The following CPQ variants were observed in gnomAD, a reference collection of about 807,000 sequenced individuals.
The protein encoded by CPQ is Ser-Met dipeptidase.
CPQ carries 37 observed loss-of-function variants against 45.7 expected under a neutral mutation model. That is an observed-to-expected ratio of 0.81 (90% CI 0.62 to 1.07). The LOEUF (loss-of-function observed/expected upper bound fraction) is 1.07. CPQ is among the 50% of genes least tolerant of loss of function. The pLI, the probability that CPQ is intolerant of heterozygous loss-of-function variation, is 0.00. For missense variants in CPQ, 537 were observed against 572.9 expected (o/e 0.94, Z 0.64); for synonymous variants, 186 against 205.8 (o/e 0.90, Z 0.82).
chr8:96,954,170 A>G (rs1037464529), intron 4 of CPQ, among the ~76,000 whole-genome samples: 1 of 152,182 alleles, frequency 6.6e-6, no homozygotes, highest in Non-Finnish European at 1.5e-5. Flanking sequence ...TTATGCTAAT[A>G]AATACAAATT....
At chr8:96,752,043 G>T (rs565226888) in intron 1 of CPQ, among the ~76,000 whole-genome samples, 1 of 152,220 alleles carries the variant, frequency 6.6e-6, no homozygotes, top group Admixed American at 6.5e-5. Flanking sequence ...CTTTAGACTT[G>T]TAGTATAGTT....
chr8:96,849,504 C>T (rs1017465610), intron 3 of CPQ, among the ~76,000 whole-genome samples: 2 of 152,204 alleles, frequency 1.3e-5, no homozygotes, highest in Non-Finnish European at 2.9e-5. Context: ...CTGTGAATCA[C>T]CTAAGCACAT....
intron 7 of CPQ, among the ~76,000 whole-genome samples, chr8:97,107,173 A>G (rs1811418564): frequency 6.6e-6 from 1 of 152,232 alleles, no homozygotes; most frequent in Non-Finnish European, 1.5e-5. Context: ...CCTATATACA[A>G]TATTTGTAAA....
rs548541254 is a variant in CPQ at position 96,744,272 on chromosome 8, G to A, written c.-34-40592G>A. 4.2e-4 allele frequency among the ~76,000 whole-genome samples: 64 copies of A among 152,330 alleles called. 1 individual carries two copies. The highest frequency in any genetic ancestry group is 6.5e-4 in the Admixed American group (10 of 15,294). On this transcript the variant is annotated intron_variant, in intron 1 of 7. Transcript: ENST00000220763. ...CGTCTGTCACCACTTTCTTTGACTA[G>A]GAAAGGGAACTCCCTGACCCCTTGT... is the stretch of plus-strand genomic sequence containing the variant.
At chr8:96,849,035 T>C (rs899247601) in intron 3 of CPQ, among the ~76,000 whole-genome samples, 4 of 152,218 alleles carry the variant, frequency 2.6e-5, no homozygotes, top group Admixed American at 6.5e-5. Flanking sequence ...GGGAATGCCA[T>C]ACTTTGTCAG....
rs1809304198 is a variant in CPQ at position 96,691,454 on chromosome 8, A to G, written c.-35+46052A>G. ...GTACTAGGGGTTAGGACATGGATGTATATTTTGGGGGACCATTACTCAACC... is the reference window on the plus strand; with the variant it reads ...GTACTAGGGGTTAGGACATGGATGTGTATTTTGGGGGACCATTACTCAACC... On this transcript the variant is annotated intron_variant, in intron 1 of 7. Transcript: ENST00000220763. 2.0e-5 allele frequency among the ~76,000 whole-genome samples: 3 copies of G among 152,106 alleles called. No homozygotes were observed. In the South Asian group the frequency reaches 6.2e-4, roughly 32 times the overall value.
chr8:97,119,140 C>A (rs1243592304), intron 7 of CPQ, among the ~76,000 whole-genome samples: 2 of 151,844 alleles, frequency 1.3e-5, no homozygotes, highest in Non-Finnish European at 2.9e-5. Flanking sequence ...ACCAGCCTGG[C>A]CAACATGGTG....
intron 4 of CPQ, among the ~76,000 whole-genome samples, chr8:96,960,846 G>A (rs975670944): frequency 4.6e-5 from 7 of 151,692 alleles, no homozygotes; most frequent in Non-Finnish European, 1.0e-4. Context: ...GCCTATTTTT[G>A]TTTTGAGATT....
intron 3 of CPQ, among the ~76,000 whole-genome samples, chr8:96,837,457 T>A (rs1309549231): frequency 6.6e-6 from 1 of 152,180 alleles, no homozygotes; most frequent in African/African-American, 2.4e-5. Context: ...ATTTTCAGTG[T>A]TTCTTCTCTT....
intron 1 of CPQ, among the ~76,000 whole-genome samples, chr8:96,758,378 A>G (rs1810353631): frequency 6.6e-6 from 1 of 152,188 alleles, no homozygotes; most frequent in Non-Finnish European, 1.5e-5. Context: ...ACCAGAATGG[A>G]AGGAAGCACC....
intron 1 of CPQ, among the ~76,000 whole-genome samples, chr8:96,684,160 A>C (rs999134731): frequency 1.3e-5 from 2 of 152,138 alleles, no homozygotes; most frequent in Admixed American, 1.3e-4. Flanking sequence ...TGACATAACA[A>C]TTGCTTCTGA....
chr8:97,062,196 T>C (rs1165755043), intron 6 of CPQ, among the ~76,000 whole-genome samples: 1 of 152,196 alleles, frequency 6.6e-6, no homozygotes, highest in Non-Finnish European at 1.5e-5. Context: ...GCAACCATTT[T>C]TGCTTTGGTT....
chr8:97,026,606 C>T (rs150489000), intron 5 of CPQ, among the ~76,000 whole-genome samples: 1 of 152,302 alleles, frequency 6.6e-6, no homozygotes, highest in East Asian at 1.9e-4. Flanking sequence ...CCACTGGCTT[C>T]CTAACTTCTT....
chr8:96,956,223 G>T (rs567924435), intron 4 of CPQ, among the ~76,000 whole-genome samples: 14 of 152,130 alleles, frequency 9.2e-5, no homozygotes, highest in African/African-American at 3.1e-4. Flanking sequence ...ATTTTTATTT[G>T]TTCTCTCCAG....
At chr8:97,118,754 A>G (rs1393562186) in intron 7 of CPQ, among the ~76,000 whole-genome samples, 1 of 152,136 alleles carries the variant, frequency 6.6e-6, no homozygotes, top group Non-Finnish European at 1.5e-5. Context: ...AAAGAAAAAA[A>G]TTGTATATGT....
chr8:96,760,992 G>T (rs555028013), intron 1 of CPQ: 10 of 152,278 alleles, frequency 6.6e-5, no homozygotes, highest in African/African-American at 2.4e-4. Flanking sequence ...AAAAGTCTCA[G>T]TTAGGATGTG....
chr8:96,942,946 T>G (rs917970196), intron 4 of CPQ, among the ~76,000 whole-genome samples: 1 of 152,166 alleles, frequency 6.6e-6, no homozygotes, highest in African/African-American at 2.4e-5. Context: ...CTCTAGGAGC[T>G]GCAGCCAGAC....
chr8:96,714,568 T>C (rs375287872), intron 1 of CPQ, among the ~76,000 whole-genome samples: 1 of 152,162 alleles, frequency 6.6e-6, no homozygotes, highest in African/African-American at 2.4e-5. Context: ...AAAATTATGT[T>C]GGTTTTTATC....
chr8:96,856,399 A>G (rs1338458152), intron 3 of CPQ, among the ~76,000 whole-genome samples: 1 of 152,218 alleles, frequency 6.6e-6, no homozygotes, highest in East Asian at 1.9e-4. Flanking sequence ...GGTGAGAAAA[A>G]TAAAGGACTC....
Sources: gnomAD v4.1 joint callset for allele counts (sites outside exome capture counted in the v4.1 genomes callset) on GRCh38, gnomAD v4.1.1 for gene constraint, MANE v1.5 for transcripts, NCBI Gene and HGNC (gene_info 2026-07-23, HGNC 2026-07-21) for gene names.